WDR53: variants seen among roughly 807,000 people sequenced by gnomAD.
WDR53 encodes WD repeat domain 53.
WDR53 carries 19 observed loss-of-function variants against 21.3 expected under a neutral mutation model. The observed-to-expected ratio is 0.89, with a 90% CI of 0.62 to 1.31. The LOEUF is 1.31. Ranked by LOEUF, WDR53 falls within the 50% of genes most tolerant of loss-of-function variation. The pLI is 0.00. For synonymous variants in WDR53, 157 were observed against 163.4 expected, an observed-to-expected ratio of 0.96 and a Z score of 0.30; for missense variants, 374 against 423.2, an observed-to-expected ratio of 0.88 and a Z score of 1.02.
At chr3:196,567,691 T>A (rs547928571) in intron 1 of WDR53, among the ~76,000 whole-genome samples, 1 of 152,106 alleles carries the variant, frequency 6.6e-6, no homozygotes, top group African/African-American at 2.4e-5. Flanking sequence ...CTTTAAAGGC[T>A]GTCGGAAAAC....
intron 2 of WDR53, among the ~76,000 whole-genome samples, 152 bp downstream of exon 2, chr3:196,566,725 T>C (rs1034407006): frequency 3.9e-5 from 6 of 152,126 alleles, no homozygotes; most frequent in Admixed American, 6.5e-5. Context: ...AGAGCATTTT[T>C]TAAAAGGGTG....
intron 3 of WDR53, among the ~76,000 whole-genome samples, chr3:196,560,132 T>C (rs755380992): frequency 2.0e-5 from 3 of 152,310 alleles, no homozygotes; most frequent in Non-Finnish European, 4.4e-5. Flanking sequence ...TTTCCCCTCA[T>C]GAAAACTAAG....
chr3:196,567,617 T>C (rs774762750), intron 1 of WDR53, among the ~76,000 whole-genome samples: 1 of 152,220 alleles, frequency 6.6e-6, no homozygotes, highest in Admixed American at 6.5e-5. Flanking sequence ...AATGACGTAG[T>C]ATACAGTGCC....
At chr3:196,557,411 C>T (rs187697644) in intron 3 of WDR53, among the ~76,000 whole-genome samples, 15 of 152,168 alleles carry the variant, frequency 9.9e-5, no homozygotes, top group East Asian at 1.9e-4. Flanking sequence ...CTGGGTGTGT[C>T]GGCTTGTGCC....
At chr3:196,563,462 G>C (rs868567305) in intron 2 of WDR53, among the ~76,000 whole-genome samples, 34 of 152,144 alleles carry the variant, frequency 2.2e-4, no homozygotes, top group African/African-American at 7.7e-4. Flanking sequence ...CCAGCCCCCA[G>C]AGCTGTTGTG....
intron 3 of WDR53, among the ~76,000 whole-genome samples, chr3:196,557,889 C>T (rs1436035489): frequency 2.0e-5 from 3 of 151,396 alleles, no homozygotes; most frequent in Admixed American, 6.6e-5. Context: ...GCAATTCTCC[C>T]GTCTCAGCCC....
intron 2 of WDR53, among the ~76,000 whole-genome samples, chr3:196,562,323 A>T (rs1734953748): frequency 6.6e-6 from 1 of 152,068 alleles, no homozygotes; most frequent in Admixed American, 6.6e-5. Flanking sequence ...ACTGCAATGG[A>T]TGATCTCGGC....
intron 1 of WDR53, among the ~76,000 whole-genome samples, chr3:196,567,751 TTGTG>T (rs3080583): frequency 0.14 from 20,110 of 143,550 alleles, 1,747 homozygotes; most frequent in East Asian, 0.43. Context: ...GCTGAAATTC[TTGTG>T]TGTGTGTGTG....
Position 196,567,317 on chromosome 3 carries a change from A to G in WDR53, c.-447-10T>C, listed in dbSNP as rs1735502376. On this transcript the variant is annotated splice_polypyrimidine_tract_variant and intron_variant, in intron 1 of 3. Transcript: ENST00000332629. Reference sequence around the variant, plus strand: ...GGCTGTGGCGCTGGCACTGGTAAGAATGAAAAGAATTAGGGTTACTGGACT... The same window carrying G: ...GGCTGTGGCGCTGGCACTGGTAAGAGTGAAAAGAATTAGGGTTACTGGACT... 2 of 446,548 alleles carry G rather than the reference A, an allele frequency of 4.5e-6. No homozygotes were observed. The highest frequency in any genetic ancestry group is 3.2e-5 in the South Asian group (2 of 63,366). The allele number at this position is 446,548 out of a possible 1,614,324, so 27.7% of individuals were successfully genotyped here.
intron 2 of WDR53, among the ~76,000 whole-genome samples, chr3:196,565,301 G>A (rs972357550): frequency 4.6e-5 from 7 of 151,696 alleles, no homozygotes; most frequent in Non-Finnish European, 8.8e-5. Context: ...GAGGCTGGGC[G>A]TGGTGGCTCA....
At chr3:196,567,353 G>C (rs182919130) in intron 1 of WDR53, 46 bp from the exon 2 acceptor site, 10 of 401,190 alleles carry the variant, frequency 2.5e-5, no homozygotes, top group Non-Finnish European at 5.0e-5. Context: ...TGGTGAAAAA[G>C]ACATGAGGAG....
intron 3 of WDR53, among the ~76,000 whole-genome samples, chr3:196,556,218 G>A (rs1245382578): frequency 1.3e-5 from 2 of 151,858 alleles, no homozygotes; most frequent in African/African-American, 4.8e-5. Flanking sequence ...GCTAATTTTT[G>A]TATTTTTTTG....
At position 196,554,710 on chromosome 3, in the gene WDR53, T is replaced by G; in HGVS notation, c.578A>C (p.Gln193Pro). ...ATGGGCTAGGGCAGGGTTTAAGAGCTGACCAGGTGACTGTGGGCCTTCCAT... is the reference window on the plus strand; with the variant it reads ...ATGGGCTAGGGCAGGGTTTAAGAGCGGACCAGGTGACTGTGGGCCTTCCAT... Reference protein sequence around the residue: ...EEMEGPQSPGQLLNPALAHSI... With the variant: ...EEMEGPQSPGPLLNPALAHSI... The change falls in exon 4 of 4, where the codon CAG (glutamine) becomes CCG (proline). Residue 193 changes from glutamine (Q) to proline (P), a missense_variant. By Grantham distance (76) the Gln-to-Pro change is moderately conservative. Transcript: ENST00000332629. 1 of 1,614,200 alleles carries G rather than the reference T, an allele frequency of 6.2e-7. No individual in the cohort carries two copies. Among genetic ancestry groups the G allele is most frequent in the South Asian group, 1.1e-5 (1 of 91,088 alleles).
intron 3 of WDR53, among the ~76,000 whole-genome samples, chr3:196,558,663 C>G (rs575251821): frequency 6.6e-6 from 1 of 152,344 alleles, no homozygotes; most frequent in South Asian, 2.1e-4. Flanking sequence ...AGAAGTAACT[C>G]AAAATAGTCA....
At chr3:196,554,911 T>C (rs140234595) in intron 3 of WDR53, 104 bp from the exon 4 acceptor site, 163 of 881,660 alleles carry the variant, frequency 1.8e-4, no homozygotes, top group Non-Finnish European at 2.2e-4. Context: ...AGTCTGAGAA[T>C]GAGCAGTAGT....
At chr3:196,555,521 C>G (rs1046422871) in intron 3 of WDR53, among the ~76,000 whole-genome samples, 3 of 152,098 alleles carry the variant, frequency 2.0e-5, no homozygotes, top group Admixed American at 6.6e-5. Flanking sequence ...TGTTCCCGAC[C>G]TGGTGCTTTT....
intron 2 of WDR53, among the ~76,000 whole-genome samples, chr3:196,563,137 A>G (rs975052174): frequency 2.6e-5 from 4 of 152,250 alleles, no homozygotes; most frequent in African/African-American, 9.6e-5. Context: ...GAAGAAACAG[A>G]AAATGACCAA....
intron 3 of WDR53, among the ~76,000 whole-genome samples, chr3:196,557,785 T>C (rs1056164967): frequency 3.9e-5 from 2 of 51,920 alleles, no homozygotes; most frequent in African/African-American, 1.3e-4. Flanking sequence ...TTTTCTTTTC[T>C]TTTTTTTTTT....
intron 2 of WDR53, among the ~76,000 whole-genome samples, chr3:196,561,849 C>G (rs1734903092): frequency 6.6e-6 from 1 of 152,136 alleles, no homozygotes; most frequent in Non-Finnish European, 1.5e-5. Flanking sequence ...GGTTATGCCT[C>G]TTATCTGAAT....
Sources: allele counts gnomAD v4.1 joint callset (sites outside exome capture counted in the v4.1 genomes callset), GRCh38; gene constraint gnomAD v4.1.1; transcripts MANE v1.5; gene names NCBI Gene and HGNC (gene_info 2026-07-23, HGNC 2026-07-21).